The following SNAP91 variants were observed in gnomAD, a reference collection of about 807,000 sequenced individuals.
SNAP91 encodes synaptosome associated protein 91, also known as clathrin coat assembly protein AP180.
A neutral mutation model predicts 100.3 loss-of-function variants in SNAP91; 27 were observed. The ratio of observed to expected loss-of-function variants is 0.27; its 90% CI spans 0.20 to 0.37. SNAP91 has a LOEUF of 0.37. Among genes scored for constraint, SNAP91 ranks in the 10% least tolerant of loss-of-function variants. SNAP91 has a pLI of 1.00. For synonymous variants in SNAP91, 404 were observed against 398.6 expected (o/e 1.01, Z -0.16); for missense variants, 986 against 1,123.7 (o/e 0.88, Z 1.75).
chr6:83,611,290 G>C, intron 11 of SNAP91: 1 of 323,334 alleles, frequency 3.1e-6, no homozygotes, highest in South Asian at 2.4e-5. Context: ...GTGGGAGCTA[G>C]GAAAAAAACA....
At chr6:83,690,186 A>T in intron 2 of SNAP91, 2 of 697,430 alleles carry the variant, frequency 2.9e-6, no homozygotes, top group Non-Finnish European at 3.6e-6. Flanking sequence ...GCAATAACTT[A>T]ATTTGAATAT....
At chr6:83,632,821 C>T (rs933792354) in intron 8 of SNAP91, among the ~76,000 whole-genome samples, 1 of 152,186 alleles carries the variant, frequency 6.6e-6, no homozygotes, top group African/African-American at 2.4e-5. Context: ...TTATACTGGG[C>T]TTCGCCTTTC....
At position 83,593,604 on chromosome 6, in the gene SNAP91, A is replaced by C. The variant is rs2094104826; in HGVS notation, c.1570T>G (p.Ser524Ala). 1 of 1,590,044 alleles carries C rather than the reference A, an allele frequency of 6.3e-7. No homozygotes were observed. The highest frequency in any genetic ancestry group is 1.1e-5 in the South Asian group (1 of 88,356). Residue 524 changes from serine (S) to alanine (A), a missense_variant, in exon 18 of 30, where the codon TCT (serine) becomes GCT (alanine). Around this residue, in one of 4 missense-constraint regions of SNAP91, gnomAD observed 575 missense variants for 579.9 expected, o/e 0.99. Transcript: ENST00000369694. The stretch of plus-strand genomic sequence containing the variant: ...GCAGCTGCAACGGCAGGAGCAGGAG[A>C]AGGAGCAGTTGCGGGAACTGGAGGG... ...TAPPVPATAP[S>A]PAPAVAAAAA... is the part of the protein sequence containing the mutation.
chr6:83,559,961 T>C, intron 28 of SNAP91, 143 bp downstream of exon 28: 1 of 684,416 alleles, frequency 1.5e-6, no homozygotes, highest in East Asian at 2.8e-5. Flanking sequence ...CTTTTGCAGA[T>C]CTGTCTTCCA....
chr6:83,632,828 T>C (rs2097265170), intron 8 of SNAP91, among the ~76,000 whole-genome samples: 1 of 152,242 alleles, frequency 6.6e-6, no homozygotes, highest in Admixed American at 6.5e-5. Flanking sequence ...GGGCTTCGCC[T>C]TTCTCTGGTG....
chr6:83,615,111 C>G (rs1294794938), intron 10 of SNAP91, among the ~76,000 whole-genome samples: 1 of 152,018 alleles, frequency 6.6e-6, no homozygotes, highest in Non-Finnish European at 1.5e-5. Context: ...AACTAAATGT[C>G]CATAGCTATT....
chr6:83,633,031 T>C (rs904099875), intron 8 of SNAP91, among the ~76,000 whole-genome samples: 1 of 152,226 alleles, frequency 6.6e-6, no homozygotes, highest in Non-Finnish European at 1.5e-5. Context: ...ACAGAAAGTC[T>C]AGGGCTGAAG....
Position 83,642,009 on chromosome 6 carries a change from A to C in SNAP91, c.659-807T>G, listed in dbSNP as rs532736469. ...CAGTGTTTTAATCAGTTATTCATTG[A>C]TCATTCAGTCAATAATTATTGACAC... On this transcript the variant is annotated intron_variant, in intron 7 of 29. Transcript: ENST00000369694. Among the ~76,000 whole-genome samples the C allele has an allele frequency of 2.6e-5, 4 of 152,296 alleles. No individual in the cohort carries two copies. The East Asian group carries it at 7.7e-4, about 29-fold the overall frequency.
chr6:83,605,490 T>C (rs2095553024), intron 14 of SNAP91, among the ~76,000 whole-genome samples, 195 bp downstream of exon 14: 1 of 152,212 alleles, frequency 6.6e-6, no homozygotes, highest in Non-Finnish European at 1.5e-5. Context: ...ACATTCTCAC[T>C]GTATTACAGG....
chr6:83,616,077 C>T (rs2096468627), intron 10 of SNAP91, among the ~76,000 whole-genome samples: 1 of 152,098 alleles, frequency 6.6e-6, no homozygotes, highest in Non-Finnish European at 1.5e-5. Flanking sequence ...TAGTCCCTAA[C>T]CTTTAGATTC....
intron 2 of SNAP91, chr6:83,689,675 T>C (rs1272595085): frequency 6.6e-6 from 1 of 152,044 alleles, no homozygotes; most frequent in Non-Finnish European, 1.5e-5. Context: ...GAGAAGACAG[T>C]AAAGAAAAGA....
chr6:83,578,613 C>T (rs1013044103), intron 24 of SNAP91, among the ~76,000 whole-genome samples: 1 of 152,062 alleles, frequency 6.6e-6, no homozygotes, highest in Non-Finnish European at 1.5e-5. Flanking sequence ...TGTTAGAGTT[C>T]TTTATTCTGA....
At chr6:83,609,325 G>A (rs1269990437) in intron 12 of SNAP91, among the ~76,000 whole-genome samples, 2 of 151,994 alleles carry the variant, frequency 1.3e-5, no homozygotes, top group Admixed American at 6.6e-5. Context: ...ACAATTTTAC[G>A]ACACTCTACT....
intron 8 of SNAP91, among the ~76,000 whole-genome samples, chr6:83,627,787 C>T (rs1348562243): frequency 7.9e-5 from 12 of 151,896 alleles, no homozygotes; most frequent in Admixed American, 2.0e-4. Context: ...TTTATCCTTT[C>T]GAAGAACCAA....
chr6:83,582,273 C>T lies in SNAP91; in HGVS notation c.2098G>A (p.Ala700Thr). The change falls in exon 23 of 30, where the codon GCT becomes ACT. Residue 700 changes from alanine to threonine, a missense_variant. Transcript: ENST00000369694. ...NNLLQPNFEA[A>T]FGTTPSTSSS... Reference sequence around the variant, plus strand: ...GAAGTTGAAGGCGTTGTCCCAAAAGCTGCCTCAAAATTGGGCTGTAGCAGG... The same window carrying T: ...GAAGTTGAAGGCGTTGTCCCAAAAGTTGCCTCAAAATTGGGCTGTAGCAGG... 6.2e-7 allele frequency: 1 copy of T among 1,613,694 alleles called. No individual in the cohort carries two copies. Among genetic ancestry groups the T allele is most frequent in the Non-Finnish European group, 8.5e-7 (1 of 1,179,760 alleles).
chr6:83,624,469 C>T (rs2096853941), intron 8 of SNAP91, among the ~76,000 whole-genome samples: 1 of 152,058 alleles, frequency 6.6e-6, no homozygotes, highest in South Asian at 2.1e-4. Flanking sequence ...AGCAAAAGTG[C>T]TGGGCTGCTA....
chr6:83,564,418 G>GCCTCTAGTTCCCTGGCTCAAGTGAT lies in SNAP91; in HGVS notation c.2443-3496_2443-3472dup, dbSNP rs1268393212. ...AGTGGCATGATCATGGCTCACTGCG[G>GCCTCTAGTTCCCTGGCTCAAGTGAT]CCTCTAGTTCCCTGGCTCAAGTGAT... On this transcript the variant is annotated intron_variant, in intron 26 of 29. Transcript: ENST00000369694. Among the ~76,000 whole-genome samples the GCCTCTAGTTCCCTGGCTCAAGTGAT allele has an allele frequency of 9.3e-5, 14 of 151,306 alleles. No individual in the cohort carries two copies. In the East Asian group the frequency reaches 1.9e-3, roughly 21 times the overall value.
At chr6:83,650,967 T>C (rs1374899184) in intron 7 of SNAP91, among the ~76,000 whole-genome samples, 2 of 152,232 alleles carry the variant, frequency 1.3e-5, no homozygotes, top group African/African-American at 4.8e-5. Context: ...GGTTGTCTAT[T>C]TCTTCTTGTA....
At chr6:83,610,701 T>C in intron 11 of SNAP91, 24 bp from the exon 12 acceptor site, 1 of 308,742 alleles carries the variant, frequency 3.2e-6, no homozygotes, top group South Asian at 3.7e-5. Context: ...TAAAAAAAAA[T>C]TAAAACTGAA....
Sources: gnomAD v4.1 joint callset for allele counts (sites outside exome capture counted in the v4.1 genomes callset) on GRCh38, gnomAD v4.1.1 for gene constraint, gnomAD v4.1.1 regional missense constraint, MANE v1.5 for transcripts, NCBI Gene and HGNC (gene_info 2026-07-23, HGNC 2026-07-21) for gene names.